The following RPTOR variants were observed in gnomAD, a reference collection of about 807,000 sequenced individuals.
The protein encoded by RPTOR is regulatory associated protein of MTOR complex 1, also known as regulatory-associated protein of mTOR.
In RPTOR, 21 loss-of-function variants were observed where a neutral mutation model predicts 169.9. The ratio of observed to expected loss-of-function variants is 0.12; its 90% CI spans 0.09 to 0.18. RPTOR has a LOEUF of 0.18. Among genes scored for constraint, RPTOR ranks in the 10% least tolerant of loss-of-function variants. The pLI is 1.00. For missense variants in RPTOR, 1,133 were observed against 1,855.9 expected, an observed-to-expected ratio of 0.61 and a Z score of 7.16; for synonymous variants, 732 against 753.2, an observed-to-expected ratio of 0.97 and a Z score of 0.46.
intron 24 of RPTOR, among the ~76,000 whole-genome samples, chr17:80,937,430 A>T (rs2068968184): frequency 6.6e-6 from 1 of 152,168 alleles, no homozygotes; most frequent in African/African-American, 2.4e-5. Flanking sequence ...GGGAACCTCT[A>T]ATCTCCCTTT....
chr17:80,718,328 T>G (rs911395627), intron 4 of RPTOR, among the ~76,000 whole-genome samples: 5 of 152,212 alleles, frequency 3.3e-5, no homozygotes, highest in Admixed American at 6.5e-5. Flanking sequence ...TCAAAGGCCA[T>G]TTTTGTCTTG....
At chr17:80,792,460 C>G (rs531772735) in intron 7 of RPTOR, among the ~76,000 whole-genome samples, 2 of 152,168 alleles carry the variant, frequency 1.3e-5, no homozygotes, top group Non-Finnish European at 2.9e-5. Flanking sequence ...TCACTCCCAC[C>G]GTGGAAGGTG....
chr17:80,699,546 ACGGTGCCCTGGTG>A lies in RPTOR; in HGVS notation c.349-8293_349-8281del, dbSNP rs1198261763. Among the ~76,000 whole-genome samples, 49 of 123,778 alleles carry A rather than the reference ACGGTGCCCTGGTG, an allele frequency of 4.0e-4. 2 individuals are homozygous for A. Among genetic ancestry groups the A allele is most frequent in the African/African-American group, 1.2e-3 (34 of 29,114 alleles). 81.2% of individuals were successfully genotyped at this position (123,778 alleles called of 152,430 possible). A position where few individuals can be genotyped will look rare whatever the true frequency, so the allele number is the denominator to read the frequency against. The stretch of plus-strand genomic sequence containing the variant: ...TGATGGGGAGCTAGAGGTGCTGTGC[ACGGTGCCCTGGTG>A]CAGTGATGGGGAGCTAGAGGTGCTG... On this transcript the variant is annotated intron_variant, in intron 3 of 33. Transcript: ENST00000306801.
chr17:80,870,435 G>T (rs34189581), intron 13 of RPTOR, among the ~76,000 whole-genome samples: 32,486 of 152,188 alleles, frequency 0.21, 3,691 homozygotes, highest in Non-Finnish European at 0.23. Flanking sequence ...CTGCAAAGTC[G>T]TTTCACCACA....
intron 3 of RPTOR, among the ~76,000 whole-genome samples, chr17:80,672,008 T>A (rs944104026): frequency 6.6e-6 from 1 of 152,222 alleles, no homozygotes; most frequent in Non-Finnish European, 1.5e-5. Context: ...TGCTTCTTTT[T>A]AAAATACAAT....
chr17:80,637,958 A>T (rs1400392006), intron 2 of RPTOR, among the ~76,000 whole-genome samples: 1 of 152,276 alleles, frequency 6.6e-6, no homozygotes, highest in Non-Finnish European at 1.5e-5. Flanking sequence ...TTCATAGACC[A>T]GTCAAGTTGG....
At chr17:80,574,767 C>T (rs1460518269) in intron 1 of RPTOR, among the ~76,000 whole-genome samples, 4 of 151,664 alleles carry the variant, frequency 2.6e-5, no homozygotes, top group Non-Finnish European at 4.4e-5. Context: ...GCGGTCTTCC[C>T]CGCTTAGCCT....
rs2144105301 is a variant in RPTOR, at chr17:80,963,025, G to A, written c.3907G>A (p.Ala1303Thr). 1 of 1,576,788 alleles carries A rather than the reference G, an allele frequency of 6.3e-7. No homozygotes were observed. The highest frequency in any genetic ancestry group is 8.6e-7 in the Non-Finnish European group (1 of 1,158,838). ...YDGFMGQRVG[A>T]ISCLAFHPHW... ...CGGCTTCATGGGCCAGCGGGTCGGC[G>A]CCATCAGCTGCCTGGCCTTCCACCC... Residue 1303 changes from alanine (A) to threonine (T), a missense_variant, in exon 33 of 34, where the codon GCC (alanine) becomes ACC (threonine). Ala to Thr is a moderately conservative substitution (Grantham distance 58). Around this residue, in one of 9 missense-constraint regions of RPTOR, gnomAD observed 410 missense variants for 623.7 expected, o/e 0.66. Transcript: ENST00000306801.
intron 13 of RPTOR, among the ~76,000 whole-genome samples, chr17:80,879,860 C>T (rs2143827733): frequency 6.6e-6 from 1 of 152,358 alleles, no homozygotes; most frequent in South Asian, 2.1e-4. Context: ...CAGGAAACCT[C>T]CCACCTTGGG....
At chr17:80,785,406 A>G (rs1598302550) in intron 6 of RPTOR, among the ~76,000 whole-genome samples, 1 of 152,260 alleles carries the variant, frequency 6.6e-6, no homozygotes, top group Admixed American at 6.5e-5. Flanking sequence ...GGTGGTCTTC[A>G]GTATATCTTG....
chr17:80,755,738 CAAAAA>C (rs77078803), intron 6 of RPTOR, among the ~76,000 whole-genome samples: 38 of 80,240 alleles, frequency 4.7e-4, no homozygotes, highest in Admixed American at 2.7e-3. Flanking sequence ...GACCCTGTCT[CAAAAA>C]AAAAAAAAAA....
In RPTOR at chr17:80,708,387, A is replaced by G. The variant is rs535074610; in HGVS notation, c.507+388A>G. Among the ~76,000 whole-genome samples, 1 of 152,350 alleles carries G rather than the reference A, an allele frequency of 6.6e-6. No individual in the cohort carries two copies. Among genetic ancestry groups the G allele is most frequent in the African/African-American group, 2.4e-5 (1 of 41,588 alleles). On this transcript the variant is annotated intron_variant, in intron 4 of 33. Coordinates refer to ENST00000306801, the MANE Select transcript of RPTOR (RefSeq NM_020761.3). This position sits in a 1 kb window ranked among gnomAD's most constrained non-coding sequence, Gnocchi z 4.2. ...ATTTTCTTAGAAAATAAAGTGTTTT[A>G]TATATTCTAAAGGGCTAATTCCAAG...
intron 1 of RPTOR, among the ~76,000 whole-genome samples, chr17:80,591,678 C>T (rs2065109078): frequency 6.6e-6 from 1 of 152,076 alleles, no homozygotes; most frequent in South Asian, 2.1e-4. Flanking sequence ...CGTGTCCAGC[C>T]TTTCTTTCTT....
At chr17:80,807,627 C>T (rs1274395815) in intron 7 of RPTOR, among the ~76,000 whole-genome samples, 1 of 152,172 alleles carries the variant, frequency 6.6e-6, no homozygotes, top group East Asian at 1.9e-4. Flanking sequence ...GCTGGGGTTA[C>T]AGGCATGAGC....
chr17:80,765,529 G>A (rs1195549380), intron 6 of RPTOR, among the ~76,000 whole-genome samples: 3 of 152,156 alleles, frequency 2.0e-5, no homozygotes, highest in Non-Finnish European at 2.9e-5. Context: ...AACACCACAC[G>A]CCTGTAAGGT....
At chr17:80,869,887 C>A (rs2143794723) in intron 13 of RPTOR, among the ~76,000 whole-genome samples, 1 of 152,212 alleles carries the variant, frequency 6.6e-6, no homozygotes, top group South Asian at 2.1e-4. Context: ...GTGATGGGAC[C>A]AGAGCTCAAG....
Position 80,960,171 on chromosome 17 carries a change from C to T in RPTOR, c.3571C>T (p.Arg1191Cys), listed in dbSNP as rs771723844. 4 of 1,613,580 alleles carry T rather than the reference C, an allele frequency of 2.5e-6. No individual in the cohort carries two copies. Among genetic ancestry groups the T allele is most frequent in the Non-Finnish European group, 2.5e-6 (3 of 1,180,006 alleles). ...GGCTGGCCTCGGTGACGGCTCCATC[C>T]GCGTCTACGACAGAAGGATGGCACT... ...IVAGLGDGSI[R>C]VYDRRMALSE... Residue 1191 changes from arginine to cysteine, a missense_variant, in exon 30 of 34, where the codon CGC becomes TGC. By Grantham distance (180) the Arg-to-Cys change is radical. This residue lies in a region of RPTOR where 410 missense variants were observed against 623.7 expected (regional missense o/e 0.66). Transcript: ENST00000306801. This position sits in a 1 kb window ranked among gnomAD's most constrained non-coding sequence, Gnocchi z 4.8.
intron 24 of RPTOR, 112 bp downstream of exon 24, chr17:80,925,592 C>T (rs1378122041): frequency 2.4e-6 from 2 of 829,008 alleles, no homozygotes; most frequent in Non-Finnish European, 4.0e-6. Context: ...CCATTGTGGT[C>T]GTGGTAGTGA....
chr17:80,856,768 G>C (rs992546341), intron 12 of RPTOR, among the ~76,000 whole-genome samples: 35 of 152,194 alleles, frequency 2.3e-4, no homozygotes, highest in African/African-American at 7.7e-4. Flanking sequence ...TTTAGAAAGA[G>C]TTTCATTTTT....
Sources: gnomAD v4.1 joint callset for allele counts (sites outside exome capture counted in the v4.1 genomes callset) on GRCh38, gnomAD v4.1.1 for gene constraint, gnomAD v4.1.1 regional missense constraint, Gnocchi (gnomAD v3.1) non-coding constraint, MANE v1.5 for transcripts, NCBI Gene and HGNC (gene_info 2026-07-23, HGNC 2026-07-21) for gene names.